Variants in SEMA6D observed in about 807,000 individuals in gnomAD.
SEMA6D encodes the protein semaphorin-6D.
Under a neutral mutation model 106.6 loss-of-function variants are expected in SEMA6D, and 35 were observed. The observed-to-expected ratio is 0.33, with a 90% CI of 0.25 to 0.44. The LOEUF is 0.44. SEMA6D is among the 20% of genes least tolerant of loss of function. The pLI is 1.00. For synonymous variants in SEMA6D, 499 were observed against 487.7 expected, an observed-to-expected ratio of 1.02 and a Z score of -0.31; for missense variants, 1,185 against 1,345.9, an observed-to-expected ratio of 0.88 and a Z score of 1.87.
chr15:47,731,231 C>T (rs146070649), intron 1 of SEMA6D, among the ~76,000 whole-genome samples: 3 of 152,118 alleles, frequency 2.0e-5, no homozygotes, highest in Admixed American at 6.5e-5. Context: ...AGTAATTGCA[C>T]CTCATTCAGC....
At chr15:47,258,739 G>A (rs969249588) in intron 1 of SEMA6D, among the ~76,000 whole-genome samples, 3 of 152,118 alleles carry the variant, frequency 2.0e-5, no homozygotes, top group East Asian at 3.9e-4. Flanking sequence ...TCTCTGCTCC[G>A]TAATTGTGTG....
chr15:47,467,969 G>A (rs921225848), intron 2 of SEMA6D, among the ~76,000 whole-genome samples: 2 of 151,862 alleles, frequency 1.3e-5, no homozygotes, highest in Non-Finnish European at 2.9e-5. Context: ...TTATAATACC[G>A]ACAGGATTGT....
In SEMA6D at chr15:47,771,446, AAG is replaced by A. The variant is rs759901985; in HGVS notation, c.2886_2887del (p.Gly963LeufsTer16). 6.2e-7 allele frequency: 1 copy of A among 1,614,086 alleles called. No individual in the cohort carries two copies. The highest frequency in any genetic ancestry group is 2.2e-5 in the East Asian group (1 of 44,852). Reference sequence around the variant, plus strand: ...TCCCAATGACTTCTCTGGAAAGACAAAGAGGTTATCACAAAAATTCCTCCCAG... The same window carrying A: ...TCCCAATGACTTCTCTGGAAAGACAAAGGTTATCACAAAAATTCCTCCCAG... ...GVPMTSLERQRGYHKNSSQRH... is the reference protein window; with the variant it reads ...GVPMTSLERQXGYHKNSSQRH... On this transcript the variant is annotated frameshift_variant, in exon 19 of 19. Transcript: ENST00000536845. LOFTEE classifies it high-confidence loss of function.
intron 1 of SEMA6D, among the ~76,000 whole-genome samples, chr15:47,230,265 A>G (rs2032100252): frequency 6.6e-6 from 1 of 152,072 alleles, no homozygotes; most frequent in African/African-American, 2.4e-5. Context: ...AATTTATTGT[A>G]ACATAAGTTT....
intron 13 of SEMA6D, chr15:47,765,281 T>C (rs1251224565): frequency 1.1e-5 from 14 of 1,314,008 alleles, no homozygotes; most frequent in Non-Finnish European, 1.4e-5. Context: ...CAGCCCTTGT[T>C]TTTCACCTGT....
At chr15:47,526,375 A>G (rs1236491356) in intron 3 of SEMA6D, among the ~76,000 whole-genome samples, 29 of 152,210 alleles carry the variant, frequency 1.9e-4, no homozygotes, top group Admixed American at 1.9e-3. Flanking sequence ...AATACCGAAC[A>G]GCATCTCTAA....
At chr15:47,330,931 A>C (rs2037318991) in intron 1 of SEMA6D, among the ~76,000 whole-genome samples, 1 of 152,200 alleles carries the variant, frequency 6.6e-6, no homozygotes, top group South Asian at 2.1e-4. Context: ...TATGGATATG[A>C]AAGGATGAGA....
chr15:47,453,741 C>T (rs999385790), intron 2 of SEMA6D, among the ~76,000 whole-genome samples: 33 of 151,914 alleles, frequency 2.2e-4, no homozygotes, highest in Admixed American at 6.6e-5. Context: ...AAAAAGATGG[C>T]GTAGAAGAGA....
At chr15:47,681,550 A>G (rs533903396) in intron 4 of SEMA6D, among the ~76,000 whole-genome samples, 1 of 152,348 alleles carries the variant, frequency 6.6e-6, no homozygotes, top group African/African-American at 2.4e-5. Context: ...AGAGATAGCA[A>G]TACTGTACTA....
chr15:47,711,132 A>G (rs1328978617), intron 4 of SEMA6D, among the ~76,000 whole-genome samples: 1 of 151,120 alleles, frequency 6.6e-6, no homozygotes, highest in East Asian at 1.9e-4. Flanking sequence ...AAACGGTGAA[A>G]CCCCGTCTCT....
At chr15:47,347,715 A>G (rs915576346) in intron 1 of SEMA6D, among the ~76,000 whole-genome samples, 3 of 152,196 alleles carry the variant, frequency 2.0e-5, no homozygotes, top group African/African-American at 7.2e-5. Flanking sequence ...TTTCCTTCAT[A>G]ATGCCTTTTC....
At chr15:47,405,138 AAAG>A (rs929294263) in intron 1 of SEMA6D, among the ~76,000 whole-genome samples, 7 of 152,236 alleles carry the variant, frequency 4.6e-5, no homozygotes, top group South Asian at 4.2e-4. Flanking sequence ...CAAGAGCTGA[AAAG>A]AAGGACAGGG....
intron 1 of SEMA6D, among the ~76,000 whole-genome samples, chr15:47,193,422 A>T (rs1452819495): frequency 6.6e-6 from 1 of 152,168 alleles, no homozygotes. Context: ...GTCTACTGCA[A>T]ATATTCCCAA....
chr15:47,455,687 C>A (rs1470711216), intron 2 of SEMA6D, among the ~76,000 whole-genome samples: 1 of 151,954 alleles, frequency 6.6e-6, no homozygotes, highest in Non-Finnish European at 1.5e-5. Flanking sequence ...CCACCATTAA[C>A]TCCACTTTAA....
chr15:47,471,622 G>A (rs968065351), intron 3 of SEMA6D, among the ~76,000 whole-genome samples: 17 of 152,064 alleles, frequency 1.1e-4, no homozygotes, highest in African/African-American at 4.1e-4. Context: ...TCTGAGAAAG[G>A]CTGAATTACC....
chr15:47,547,576 A>G (rs1432598447), intron 3 of SEMA6D, among the ~76,000 whole-genome samples: 1 of 152,168 alleles, frequency 6.6e-6, no homozygotes, highest in Non-Finnish European at 1.5e-5. Flanking sequence ...GGTAAGTCCC[A>G]ATAAAATGAA....
chr15:47,513,123 G>A (rs2044282481), intron 3 of SEMA6D, among the ~76,000 whole-genome samples: 1 of 152,004 alleles, frequency 6.6e-6, no homozygotes, highest in East Asian at 1.9e-4. Context: ...TGGAAATGGG[G>A]AAATTATGGG....
chr15:47,664,406 T>A (rs889974030), intron 4 of SEMA6D, among the ~76,000 whole-genome samples: 2 of 150,692 alleles, frequency 1.3e-5, no homozygotes, highest in Admixed American at 1.3e-4. Context: ...TGATTCCACT[T>A]AAGAAATCTT....
intron 3 of SEMA6D, among the ~76,000 whole-genome samples, chr15:47,475,435 T>C (rs1472026418): frequency 6.6e-6 from 1 of 152,204 alleles, no homozygotes; most frequent in Admixed American, 6.5e-5. Context: ...TTGCAGTGTA[T>C]CTGATTTTCA....
Sources: gnomAD v4.1 joint callset for allele counts (sites outside exome capture counted in the v4.1 genomes callset) on GRCh38, gnomAD v4.1.1 for gene constraint, MANE v1.5 for transcripts, NCBI Gene and HGNC (gene_info 2026-07-23, HGNC 2026-07-21) for gene names.